Variants in CHST8 observed in about 807,000 individuals in gnomAD.
The protein encoded by CHST8 is carbohydrate sulfotransferase 8.
Under a neutral mutation model 15.0 loss-of-function variants are expected in CHST8, and 10 were observed. The ratio of observed to expected loss-of-function variants is 0.67; its 90% CI spans 0.41 to 1.13. CHST8 has a LOEUF of 1.13. Among genes scored for constraint, CHST8 ranks in the 50% most tolerant of loss-of-function variants. The pLI, the probability that CHST8 is intolerant of heterozygous loss-of-function variation, is 0.00. For synonymous variants in CHST8, 259 were observed against 256.6 expected (o/e 1.01, Z -0.09); for missense variants, 634 against 608.2 (o/e 1.04, Z -0.45).
rs775318281 is a variant in CHST8, at chr19:33,772,913, C to T, written c.1125C>T (p.Asp375=). The stretch of plus-strand genomic sequence containing the variant: ...ACCTGACCTTCCCCCGGTTCAAGGA[C>T]CGGCACTCGCAGGAGGCGCGGACCA... ...PRNLTFPRFK[D]RHSQEARTTA... Residue 375 remains aspartate, a synonymous_variant, in exon 5 of 5, where the codon GAC becomes GAT. Transcript: ENST00000650847. 4.3e-6 allele frequency: 7 copies of T among 1,613,382 alleles called. No individual in the cohort carries two copies. The highest frequency in any genetic ancestry group is 5.1e-6 in the Non-Finnish European group (6 of 1,180,054).
chr19:33,637,873 A>G (rs1332295191), intron 1 of CHST8, among the ~76,000 whole-genome samples: 11 of 150,472 alleles, frequency 7.3e-5, no homozygotes, highest in East Asian at 2.0e-4. Flanking sequence ...AAAAAAAAAA[A>G]AAAGAAAGGT....
chr19:33,637,975 G>A (rs948731434), intron 1 of CHST8, among the ~76,000 whole-genome samples: 3 of 151,584 alleles, frequency 2.0e-5, no homozygotes, highest in Admixed American at 6.6e-5. Context: ...TGCCCTAAAA[G>A]GAAATAAAGG....
chr19:33,657,164 C>CACAAAA (rs1161608781), intron 1 of CHST8, among the ~76,000 whole-genome samples: 1 of 149,140 alleles, frequency 6.7e-6, no homozygotes, highest in East Asian at 2.0e-4. Context: ...CACAAACACA[C>CACAAAA]ATATACTTAT....
rs145662987 is a variant in CHST8, at chr19:33,640,986, A to G, written c.-164+18690A>G. ...CCCCATCCCACCGCCAGGGACTGCT[A>G]CTGCTGTGGGATCACAAAGGCCCAG... On this transcript the variant is annotated intron_variant, in intron 1 of 4. Transcript: ENST00000650847. Among the ~76,000 whole-genome samples, 1,041 of 152,194 alleles carry G rather than the reference A, an allele frequency of 6.8e-3. 3 individuals are homozygous for G. The highest frequency in any genetic ancestry group is 0.011 in the Non-Finnish European group (717 of 67,956).
chr19:33,626,113 G>T (rs970142732), intron 1 of CHST8, among the ~76,000 whole-genome samples: 9 of 152,196 alleles, frequency 5.9e-5, no homozygotes, highest in African/African-American at 2.2e-4. Flanking sequence ...GGTGCCAGAG[G>T]ATGCGGCAGA....
chr19:33,757,450 GA>G (rs1568358420), intron 3 of CHST8, among the ~76,000 whole-genome samples: 2 of 31,020 alleles, frequency 6.4e-5, no homozygotes, highest in South Asian at 1.1e-3. Context: ...AAGAAAGAAA[GA>G]AAGAAAGAAA....
At chr19:33,636,598 A>G (rs1256887653) in intron 1 of CHST8, among the ~76,000 whole-genome samples, 2 of 152,190 alleles carry the variant, frequency 1.3e-5, no homozygotes, top group Admixed American at 6.5e-5. Flanking sequence ...GTAAAGTGAA[A>G]GCAAGTTTAT....
chr19:33,660,191 A>T (rs991538480), intron 1 of CHST8, among the ~76,000 whole-genome samples: 1 of 152,114 alleles, frequency 6.6e-6, no homozygotes, highest in African/African-American at 2.4e-5. Flanking sequence ...AGGGAGAGCG[A>T]TTCAATCAAT....
At chr19:33,674,376 G>C (rs749305266) in intron 2 of CHST8, among the ~76,000 whole-genome samples, 9 of 152,344 alleles carry the variant, frequency 5.9e-5, no homozygotes, top group Non-Finnish European at 8.8e-5. Context: ...GGTCCCACTC[G>C]TCTGTACAGA....
At chr19:33,761,900 C>T (rs182437538) in intron 3 of CHST8, among the ~76,000 whole-genome samples, 47 of 152,188 alleles carry the variant, frequency 3.1e-4, no homozygotes, top group African/African-American at 1.1e-3. Context: ...AAAGAAGAGG[C>T]ATGATCTGCT....
Position 33,689,453 on chromosome 19 carries a change from C to G in CHST8, c.130+62C>G, listed in dbSNP as rs1973055382. ...CAGCTTTCCAGCCTGAAGCTCAGGC[C>G]TCCACAGCTGCCCTGGTGTGCTGGG... On this transcript the variant is annotated intron_variant, in intron 3 of 4. Transcript: ENST00000650847. 3 of 1,476,680 alleles carry G rather than the reference C, an allele frequency of 2.0e-6. No homozygotes were observed. In the African/African-American group the frequency reaches 4.3e-5, roughly 21 times the overall value. 91.5% of individuals were successfully genotyped at this position (1,476,680 alleles called of 1,614,324 possible). A position where few individuals can be genotyped will look rare whatever the true frequency, so the allele number is the denominator to read the frequency against.
chr19:33,755,843 C>T (rs1315649097), intron 3 of CHST8, among the ~76,000 whole-genome samples: 1 of 152,188 alleles, frequency 6.6e-6, no homozygotes, highest in Non-Finnish European at 1.5e-5. Flanking sequence ...GACGCCCTAC[C>T]AACAGCCATT....
At chr19:33,690,948 T>C (rs372463980) in intron 3 of CHST8, among the ~76,000 whole-genome samples, 2 of 152,202 alleles carry the variant, frequency 1.3e-5, no homozygotes, top group East Asian at 3.9e-4. Flanking sequence ...GGGGTGCATG[T>C]AGGCAGAGGG....
chr19:33,641,023 C>T (rs1972277080), intron 1 of CHST8, among the ~76,000 whole-genome samples: 1 of 152,196 alleles, frequency 6.6e-6, no homozygotes, highest in Admixed American at 6.5e-5. Flanking sequence ...CCCTTGTCTC[C>T]ATTTGGGACT....
chr19:33,628,073 C>T (rs1011448598), intron 1 of CHST8, among the ~76,000 whole-genome samples: 10 of 152,044 alleles, frequency 6.6e-5, no homozygotes, highest in African/African-American at 2.4e-4. Context: ...GAGGACTTCT[C>T]GGAGGAGGTG....
intron 2 of CHST8, among the ~76,000 whole-genome samples, chr19:33,679,426 A>G (rs1455821732): frequency 6.6e-6 from 1 of 152,164 alleles, no homozygotes; most frequent in Non-Finnish European, 1.5e-5. Context: ...CAAATAATTC[A>G]TGTTCCCACC....
At chr19:33,650,811 C>T (rs908572544) in intron 1 of CHST8, among the ~76,000 whole-genome samples, 33 of 152,134 alleles carry the variant, frequency 2.2e-4, no homozygotes, top group Admixed American at 7.2e-4. Flanking sequence ...CGGGTTCAAG[C>T]GATTCTCCTG....
intron 1 of CHST8, among the ~76,000 whole-genome samples, chr19:33,658,956 A>C (rs1972548880): frequency 6.6e-6 from 1 of 151,834 alleles, no homozygotes; most frequent in Non-Finnish European, 1.5e-5. Flanking sequence ...TCTTCTTCTA[A>C]TGGAAATTTA....
At chr19:33,676,351 CTTGAGGCCAGCAGT>C in intron 2 of CHST8, among the ~76,000 whole-genome samples, 1 of 152,142 alleles carries the variant, frequency 6.6e-6, no homozygotes, top group Non-Finnish European at 1.5e-5. Flanking sequence ...AGGCGGATCG[CTTGAGGCCAGCAGT>C]TTGAGGCCAG....
Sources: allele counts gnomAD v4.1 joint callset (sites outside exome capture counted in the v4.1 genomes callset), GRCh38; gene constraint gnomAD v4.1.1; transcripts MANE v1.5; gene names NCBI Gene and HGNC (gene_info 2026-07-23, HGNC 2026-07-21).